GRID2: variants seen among roughly 807,000 people sequenced by gnomAD.
GRID2 encodes the protein glutamate receptor ionotropic, delta-2.
Under a neutral mutation model 114.8 loss-of-function variants are expected in GRID2, and 33 were observed. That is an observed-to-expected ratio of 0.29 (90% CI 0.22 to 0.38). The LOEUF (loss-of-function observed/expected upper bound fraction) is 0.38. Ranked by LOEUF, GRID2 falls within the 10% of genes least tolerant of loss-of-function variation. The pLI is 1.00. For synonymous variants in GRID2, 505 were observed against 449.9 expected, an observed-to-expected ratio of 1.12 and a Z score of -1.55; for missense variants, 1,184 against 1,257.7, an observed-to-expected ratio of 0.94 and a Z score of 0.89.
chr4:93,413,499 TA>T (rs1168770543), intron 9 of GRID2, among the ~76,000 whole-genome samples: 1 of 152,188 alleles, frequency 6.6e-6, no homozygotes, highest in Non-Finnish European at 1.5e-5. Context: ...TTACCAATTT[TA>T]ATTCACATAA....
chr4:92,773,390 A>G (rs1738627592), intron 2 of GRID2, among the ~76,000 whole-genome samples: 1 of 152,204 alleles, frequency 6.6e-6, no homozygotes, highest in South Asian at 2.1e-4. Flanking sequence ...ATTGTATTTT[A>G]CTTACAGATT....
intron 1 of GRID2, among the ~76,000 whole-genome samples, chr4:93,797,861 A>C (rs945039091): frequency 6.7e-6 from 1 of 148,406 alleles, no homozygotes; most frequent in Non-Finnish European, 1.5e-5. Flanking sequence ...AAAAAAAAAA[A>C]GAGGAGCAAG....
intron 13 of GRID2, among the ~76,000 whole-genome samples, chr4:93,524,781 A>G (rs1355910279): frequency 1.1e-5 from 1 of 88,870 alleles, no homozygotes; most frequent in Non-Finnish European, 2.3e-5. Flanking sequence ...ATATGTATGT[A>G]TGTGTATATA....
intron 8 of GRID2, among the ~76,000 whole-genome samples, chr4:93,258,133 C>T (rs1447538565): frequency 1.3e-5 from 2 of 151,140 alleles, no homozygotes; most frequent in Non-Finnish European, 3.0e-5. Context: ...ATTTTATTCT[C>T]ATGGAAGCAT....
intron 1 of GRID2, among the ~76,000 whole-genome samples, chr4:92,449,167 G>T (rs573744258): frequency 6.6e-6 from 1 of 151,968 alleles, no homozygotes; most frequent in African/African-American, 2.4e-5. Context: ...AGATCTCCAT[G>T]TCACTAAGGT....
chr4:92,306,650 T>A (rs770549408), intron 1 of GRID2, among the ~76,000 whole-genome samples: 18 of 152,234 alleles, frequency 1.2e-4, no homozygotes, highest in Non-Finnish European at 1.8e-4. Context: ...TATTTACAAA[T>A]ACCTACAGCT....
chr4:93,253,191 GC>G, intron 8 of GRID2, among the ~76,000 whole-genome samples: 1 of 151,988 alleles, frequency 6.6e-6, no homozygotes, highest in East Asian at 1.9e-4. Context: ...GGGAGGTGGA[GC>G]TTGCAGTGAG....
At chr4:92,559,126 T>G (rs1032796780) in intron 1 of GRID2, among the ~76,000 whole-genome samples, 6 of 152,176 alleles carry the variant, frequency 3.9e-5, no homozygotes, top group Non-Finnish European at 7.4e-5. Context: ...CTATTTTGCT[T>G]AATTTAATTT....
intron 2 of GRID2, among the ~76,000 whole-genome samples, chr4:92,923,949 C>T (rs553606703): frequency 2.0e-5 from 3 of 152,138 alleles, no homozygotes; most frequent in Admixed American, 1.3e-4. Flanking sequence ...CACATGCACA[C>T]GTATGTTTAT....
intron 11 of GRID2, among the ~76,000 whole-genome samples, chr4:93,459,098 T>G (rs1392929036): frequency 6.8e-6 from 1 of 147,688 alleles, no homozygotes; most frequent in African/African-American, 2.5e-5. Context: ...GAGAATTGCT[T>G]GAACCCAGGA....
chr4:92,919,631 G>C (rs1379976131), intron 2 of GRID2, among the ~76,000 whole-genome samples: 1 of 152,114 alleles, frequency 6.6e-6, no homozygotes, highest in Non-Finnish European at 1.5e-5. Flanking sequence ...TTCAGGAGCA[G>C]GTTGTTCAAT....
intron 8 of GRID2, among the ~76,000 whole-genome samples, chr4:93,386,404 A>T (rs1375579587): frequency 6.6e-6 from 1 of 152,192 alleles, no homozygotes; most frequent in African/African-American, 2.4e-5. Context: ...CCTGCCTCAT[A>T]AATATAAGTC....
intron 2 of GRID2, among the ~76,000 whole-genome samples, chr4:92,899,829 T>C (rs1219633789): frequency 6.6e-6 from 1 of 152,072 alleles, no homozygotes; most frequent in Non-Finnish European, 1.5e-5. Context: ...ATAAACACAT[T>C]TTATAGCCTG....
At chr4:93,348,585 C>A (rs1760473624) in intron 8 of GRID2, among the ~76,000 whole-genome samples, 1 of 152,100 alleles carries the variant, frequency 6.6e-6, no homozygotes, top group Non-Finnish European at 1.5e-5. Context: ...CCTGGAATGG[C>A]CTCCTTGGAA....
chr4:92,657,081 T>G (rs1353760053), intron 2 of GRID2, among the ~76,000 whole-genome samples: 1 of 151,636 alleles, frequency 6.6e-6, no homozygotes, highest in African/African-American at 2.4e-5. Flanking sequence ...TACTGTTGCT[T>G]TCAAATAGTA....
rs111275347 is a variant in GRID2, at chr4:93,526,495, T to C, written c.2193+11084T>C. Among the ~76,000 whole-genome samples, 344 of 152,342 alleles carry C rather than the reference T, an allele frequency of 2.3e-3. 1 individual carries two copies. The highest frequency in any genetic ancestry group is 7.7e-3 in the African/African-American group (321 of 41,582). On this transcript the variant is annotated intron_variant, in intron 13 of 15. Coordinates refer to ENST00000282020, the MANE Select transcript of GRID2 (RefSeq NM_001510.4). ...GTTTACCTCCATTAATAGCAGAGTA[T>C]ACATCTTTATGACTTCCTTCTTTAT...
Position 93,632,157 on chromosome 4 carries a change from T to G in GRID2, c.2360+5722T>G, listed in dbSNP as rs936178377. On this transcript the variant is annotated intron_variant, in intron 14 of 15. Transcript: ENST00000282020. ...GTAGATTGCAAAAATTTTCTCCCAT[T>G]TTGTAGGTTGCCTGTTCACTCTGAT... Among the ~76,000 whole-genome samples, 11 of 152,168 alleles carry G rather than the reference T, an allele frequency of 7.2e-5. No homozygotes were observed. The South Asian group carries it at 8.3e-4, about 11-fold the overall frequency.
chr4:92,877,452 C>G (rs777075942), intron 2 of GRID2, among the ~76,000 whole-genome samples: 1 of 152,076 alleles, frequency 6.6e-6, no homozygotes, highest in Non-Finnish European at 1.5e-5. Context: ...GTGCTGAGTC[C>G]GTGAAGGAGG....
At chr4:92,854,925 G>T (rs1234257353) in intron 2 of GRID2, among the ~76,000 whole-genome samples, 1 of 151,908 alleles carries the variant, frequency 6.6e-6, no homozygotes, top group Non-Finnish European at 1.5e-5. Flanking sequence ...ATATCCATTT[G>T]GAAAGGAAAT....
Sources: gnomAD v4.1 joint callset for allele counts (sites outside exome capture counted in the v4.1 genomes callset) on GRCh38, gnomAD v4.1.1 for gene constraint, MANE v1.5 for transcripts, NCBI Gene and HGNC (gene_info 2026-07-23, HGNC 2026-07-21) for gene names.